PPP2R2A: variants seen among roughly 807,000 people sequenced by gnomAD.
PPP2R2A encodes serine/threonine-protein phosphatase 2A 55 kDa regulatory subunit B alpha isoform.
PPP2R2A carries 9 observed loss-of-function variants against 53.2 expected under a neutral mutation model. The observed-to-expected ratio is 0.17, with a 90% confidence interval of 0.10 to 0.30. The LOEUF (loss-of-function observed/expected upper bound fraction) is 0.30, where lower values mean the gene tolerates loss of function less well. Among genes scored for constraint, PPP2R2A ranks in the 10% least tolerant of loss-of-function variants. PPP2R2A has a pLI of 1.00. For synonymous variants in PPP2R2A, 169 were observed against 174.2 expected (o/e 0.97, Z 0.23); for missense variants, 235 against 534.6 (o/e 0.44, Z 5.53).
At chr8:26,317,389 C>T (rs1427431799) in intron 2 of PPP2R2A, among the ~76,000 whole-genome samples, 1 of 152,140 alleles carries the variant, frequency 6.6e-6, no homozygotes, top group Admixed American at 6.5e-5. Flanking sequence ...GCTTCTTTCT[C>T]TCCAGTTTGT....
At chr8:26,301,768 G>A (rs1384342810) in intron 2 of PPP2R2A, among the ~76,000 whole-genome samples, 1 of 152,170 alleles carries the variant, frequency 6.6e-6, no homozygotes, top group Non-Finnish European at 1.5e-5. Flanking sequence ...AAATGTCTGT[G>A]AAGTAAAAAC....
intron 9 of PPP2R2A, among the ~76,000 whole-genome samples, chr8:26,366,960 T>TA (rs1165817982): frequency 2.0e-5 from 3 of 152,212 alleles, no homozygotes; most frequent in African/African-American, 4.8e-5. Context: ...TTACCCATTA[T>TA]TTAAAGATAA....
intron 2 of PPP2R2A, among the ~76,000 whole-genome samples, chr8:26,324,831 C>G (rs916606054): frequency 4.6e-5 from 7 of 152,098 alleles, no homozygotes; most frequent in Non-Finnish European, 7.3e-5. Context: ...CTACGTCTTG[C>G]ATCAGCATGA....
At chr8:26,320,421 G>A (rs1013170708) in intron 2 of PPP2R2A, among the ~76,000 whole-genome samples, 4 of 152,182 alleles carry the variant, frequency 2.6e-5, no homozygotes, top group Non-Finnish European at 5.9e-5. Context: ...GGGTAAAAGA[G>A]ATACATGATG....
chr8:26,301,931 A>G (rs1176866218), intron 2 of PPP2R2A, among the ~76,000 whole-genome samples: 1 of 152,222 alleles, frequency 6.6e-6, no homozygotes, highest in East Asian at 1.9e-4. Context: ...AGCAGTTTAA[A>G]AAACCATCAG....
At chr8:26,317,157 C>G (rs1802603408) in intron 2 of PPP2R2A, among the ~76,000 whole-genome samples, 1 of 152,208 alleles carries the variant, frequency 6.6e-6, no homozygotes, top group Non-Finnish European at 1.5e-5. Flanking sequence ...TCTCCCCTTG[C>G]TCACTAGTAG....
rs1026780708 is a variant in PPP2R2A, at chr8:26,370,768, A to G, written c.*355A>G. 9 of 279,222 alleles carry G rather than the reference A, an allele frequency of 3.2e-5. No homozygotes were observed. Among genetic ancestry groups the G allele is most frequent in the Non-Finnish European group, 4.9e-5 (7 of 143,194 alleles). The allele number at this position is 279,222 out of a possible 1,614,324, so 17.3% of individuals were successfully genotyped here. A position where few individuals can be genotyped will look rare whatever the true frequency, so the allele number is the denominator to read the frequency against. ...CACAGTGAAAGCCTTCAGTCATGCT[A>G]TGGGATTTAATTGTGTATCCTCATT... On this transcript the variant is annotated 3_prime_UTR_variant, in exon 10 of 10. Coordinates refer to ENST00000380737, the MANE Select transcript of PPP2R2A (RefSeq NM_002717.4). The surrounding 1 kb of genome is among the most constrained non-coding windows in gnomAD (Gnocchi z 6.1).
intron 4 of PPP2R2A, among the ~76,000 whole-genome samples, chr8:26,355,507 G>A (rs1031493526): frequency 2.6e-5 from 4 of 152,160 alleles, no homozygotes; most frequent in Admixed American, 6.5e-5. Context: ...GTCTCCCAAA[G>A]TGCTGGGATT....
At chr8:26,306,156 G>A in intron 2 of PPP2R2A, among the ~76,000 whole-genome samples, 1 of 151,538 alleles carries the variant, frequency 6.6e-6, no homozygotes, top group Non-Finnish European at 1.5e-5. Flanking sequence ...CTGGGTGACA[G>A]AGCAAGACTC....
chr8:26,356,496 G>A (rs1366835163), intron 4 of PPP2R2A, among the ~76,000 whole-genome samples: 4 of 152,162 alleles, frequency 2.6e-5, no homozygotes, highest in South Asian at 4.1e-4. Flanking sequence ...CAGCACTATG[G>A]GTGGAGGGAA....
intron 2 of PPP2R2A, among the ~76,000 whole-genome samples, chr8:26,313,997 G>T (rs1165914850): frequency 3.3e-5 from 5 of 152,138 alleles, no homozygotes; most frequent in Admixed American, 3.3e-4. Context: ...AATAAATTCT[G>T]ATTTTTTTCT....
At chr8:26,300,779 A>T (rs1801744936) in intron 2 of PPP2R2A, among the ~76,000 whole-genome samples, 1 of 152,188 alleles carries the variant, frequency 6.6e-6, no homozygotes, top group African/African-American at 2.4e-5. Flanking sequence ...TGAACCTGGG[A>T]GGTGGAGGTT....
In PPP2R2A at chr8:26,338,055, A is replaced by C. The variant is rs113212447; in HGVS notation, c.83-835A>C. On this transcript the variant is annotated intron_variant, in intron 2 of 9. Coordinates refer to ENST00000380737, the MANE Select transcript of PPP2R2A (RefSeq NM_002717.4). This position sits in a 1 kb window ranked among gnomAD's most constrained non-coding sequence, Gnocchi z 4.5. ...CTTTTATAAAGCTGATTTATTTTAA[A>C]TGCACATGATAGGGGCTTTTCTAAT... Among the ~76,000 whole-genome samples the C allele has an allele frequency of 0.019, 2,917 of 152,352 alleles. 90 individuals are homozygous for C. The highest frequency in any genetic ancestry group is 0.067 in the African/African-American group (2,789 of 41,572).
intron 2 of PPP2R2A, among the ~76,000 whole-genome samples, chr8:26,304,594 G>A (rs767287183): frequency 2.6e-5 from 4 of 152,142 alleles, no homozygotes; most frequent in Admixed American, 2.0e-4. Context: ...GTTACCCTGC[G>A]TGTCTGTTTT....
intron 2 of PPP2R2A, among the ~76,000 whole-genome samples, chr8:26,323,902 C>T (rs966790563): frequency 6.6e-6 from 1 of 152,214 alleles, no homozygotes; most frequent in African/African-American, 2.4e-5. Context: ...TCTTAGGCTA[C>T]TGCAGTAACA....
chr8:26,354,923 A>T lies in PPP2R2A; in HGVS notation c.346+290A>T, dbSNP rs1227514881. ...TATTTCTGTCATTTCTCAGTCTCGTAATCTTGGGCAGGTTACTAACACTGA... is the reference window on the plus strand; with the variant it reads ...TATTTCTGTCATTTCTCAGTCTCGTTATCTTGGGCAGGTTACTAACACTGA... On this transcript the variant is annotated intron_variant, in intron 4 of 9. Coordinates refer to ENST00000380737, the MANE Select transcript of PPP2R2A (RefSeq NM_002717.4). This position sits in a 1 kb window ranked among gnomAD's most constrained non-coding sequence, Gnocchi z 4.6. 6.6e-6 allele frequency among the ~76,000 whole-genome samples: 1 copy of T among 152,192 alleles called. No homozygotes were observed. The highest frequency in any genetic ancestry group is 1.5e-5 in the Non-Finnish European group (1 of 68,016).
intron 1 of PPP2R2A, 130 bp from the exon 2 acceptor site, chr8:26,293,536 C>G (rs1292765743): frequency 1.2e-6 from 1 of 858,570 alleles, no homozygotes; most frequent in African/African-American, 1.7e-5. Context: ...AACTGGTGCT[C>G]TTGGTGGTAG....
At chr8:26,292,774 T>C (rs960508578) in intron 1 of PPP2R2A, among the ~76,000 whole-genome samples, 1 of 152,228 alleles carries the variant, frequency 6.6e-6, no homozygotes, top group African/African-American at 2.4e-5. Context: ...AGATTTAGAT[T>C]CAGTTTCTTT....
chr8:26,308,890 G>A (rs1802146334), intron 2 of PPP2R2A, among the ~76,000 whole-genome samples: 1 of 151,782 alleles, frequency 6.6e-6, no homozygotes, highest in Non-Finnish European at 1.5e-5. Context: ...TTTGAGATAG[G>A]GTCTCTGTTG....
Sources: allele counts gnomAD v4.1 joint callset (sites outside exome capture counted in the v4.1 genomes callset), GRCh38; gene constraint gnomAD v4.1.1; non-coding constraint Gnocchi (gnomAD v3.1); transcripts MANE v1.5; gene names NCBI Gene and HGNC (gene_info 2026-07-23, HGNC 2026-07-21).